Variants in QTGAL observed in about 807,000 individuals in gnomAD.
The protein encoded by QTGAL is BGnT-like protein 1.
the QTGAL span, among the ~76,000 whole-genome samples, chr17:83,024,294 C>T: frequency 6.8e-5 from 10 of 146,168 alleles, no homozygotes; most frequent in African/African-American, 1.4e-4. Flanking sequence ...GTCCTCCAGG[C>T]GGGCAGGCCC....
At chr17:83,017,740 C>T in the QTGAL span, among the ~76,000 whole-genome samples, 6 of 152,214 alleles carry the variant, frequency 3.9e-5, no homozygotes, top group African/African-American at 7.2e-5. Flanking sequence ...GTGCCTGCAT[C>T]GAGTACCACA....
the QTGAL span, among the ~76,000 whole-genome samples, chr17:82,995,580 C>T: frequency 2.6e-5 from 4 of 151,968 alleles, no homozygotes; most frequent in Admixed American, 2.6e-4. Context: ...GACGGGGTTT[C>T]GCTATGTTAA....
chr17:83,043,812 A>G, the QTGAL span, among the ~76,000 whole-genome samples: 1 of 152,200 alleles, frequency 6.6e-6, no homozygotes, highest in African/African-American at 2.4e-5. Context: ...AAAGTGGTAC[A>G]TGACTCCCAA....
the QTGAL span, among the ~76,000 whole-genome samples, chr17:82,952,868 G>A: frequency 9.2e-5 from 14 of 152,098 alleles, no homozygotes; most frequent in African/African-American, 2.2e-4. Context: ...CAGTGCAATC[G>A]AATTAGAACT....
At chr17:83,044,609 T>C in the QTGAL span, among the ~76,000 whole-genome samples, 2 of 152,212 alleles carry the variant, frequency 1.3e-5, no homozygotes, top group African/African-American at 4.8e-5. Flanking sequence ...CTTTCACCAC[T>C]TCTATTCGGC....
At chr17:83,037,766 G>A in the QTGAL span, among the ~76,000 whole-genome samples, 1 of 152,230 alleles carries the variant, frequency 6.6e-6, no homozygotes, top group Non-Finnish European at 1.5e-5. This position sits in a 1 kb window ranked among gnomAD's most constrained non-coding sequence, Gnocchi z 5.2. Context: ...GTATCCGTGA[G>A]CCTGGGTAAC....
the QTGAL span, among the ~76,000 whole-genome samples, chr17:83,049,395 A>G: frequency 6.6e-6 from 1 of 151,234 alleles, no homozygotes; most frequent in African/African-American, 2.4e-5. Flanking sequence ...CAACTCACTC[A>G]TGAAAATAAC....
chr17:82,996,708 G>A, the QTGAL span, among the ~76,000 whole-genome samples: 16 of 152,224 alleles, frequency 1.1e-4, no homozygotes, highest in South Asian at 2.3e-3. Flanking sequence ...ACATAGATCC[G>A]TGGAACAGAA....
At chr17:82,967,047 C>T in the QTGAL span, among the ~76,000 whole-genome samples, 1 of 152,138 alleles carries the variant, frequency 6.6e-6, no homozygotes, top group East Asian at 1.9e-4. Flanking sequence ...TTAGTCAGGT[C>T]GTGAAAACGT....
chr17:83,023,941 T>C, the QTGAL span, among the ~76,000 whole-genome samples: 1 of 152,192 alleles, frequency 6.6e-6, no homozygotes, highest in East Asian at 1.9e-4. Context: ...AAATTAGCAA[T>C]TTAAAAGTGC....
the QTGAL span, among the ~76,000 whole-genome samples, chr17:83,036,856 C>A: frequency 6.6e-6 from 1 of 152,136 alleles, no homozygotes; most frequent in Admixed American, 6.5e-5. Flanking sequence ...CAACTTCCCC[C>A]TGCCAGCAGG....
the QTGAL span, chr17:82,957,380 C>G: frequency 2.5e-6 from 4 of 1,613,154 alleles, no homozygotes; most frequent in Admixed American, 6.7e-5. Context: ...TGCCGGCAGT[C>G]AAGCTGCGGT....
the QTGAL span, among the ~76,000 whole-genome samples, chr17:83,026,535 G>C: frequency 6.6e-6 from 1 of 151,654 alleles, no homozygotes; most frequent in Non-Finnish European, 1.5e-5. Flanking sequence ...GAGCGGAGTG[G>C]GGAGCCCACA....
At chr17:83,032,688 G>C in the QTGAL span, among the ~76,000 whole-genome samples, 1 of 152,234 alleles carries the variant, frequency 6.6e-6, no homozygotes, top group Non-Finnish European at 1.5e-5. Flanking sequence ...ATGAAAACAT[G>C]AGCCCAAGGA....
the QTGAL span, chr17:82,942,673 A>G: frequency 4.3e-4 from 269 of 624,212 alleles, no homozygotes; most frequent in Admixed American, 1.7e-3. Flanking sequence ...CTTGAACACA[A>G]ATGTGCTTCC....
At chr17:82,966,802 ACAG>A in the QTGAL span, among the ~76,000 whole-genome samples, 1 of 152,222 alleles carries the variant, frequency 6.6e-6, no homozygotes, top group African/African-American at 2.4e-5. Context: ...GGCACAAATC[ACAG>A]CAGAAGACAT....
chr17:82,989,754 G>GA, the QTGAL span, among the ~76,000 whole-genome samples: 1 of 152,070 alleles, frequency 6.6e-6, no homozygotes, highest in Admixed American at 6.5e-5. Flanking sequence ...TGATGCAAAG[G>GA]TGAAACACAA....
the QTGAL span, among the ~76,000 whole-genome samples, chr17:82,975,795 G>C: frequency 1.1e-4 from 9 of 85,298 alleles, no homozygotes; most frequent in African/African-American, 1.4e-4. Context: ...GGACAGAGCC[G>C]GACTCCATCC....
chr17:82,985,661 G>A, the QTGAL span, among the ~76,000 whole-genome samples: 4 of 152,092 alleles, frequency 2.6e-5, no homozygotes, highest in Middle Eastern at 3.2e-3. Context: ...AGGCTGCGGC[G>A]ACCCCACGCC....
Sources: allele counts gnomAD v4.1 joint callset (sites outside exome capture counted in the v4.1 genomes callset), GRCh38; gene constraint gnomAD v4.1.1; non-coding constraint Gnocchi (gnomAD v3.1); transcripts MANE v1.5; gene names NCBI Gene and HGNC (gene_info 2026-07-23, HGNC 2026-07-21).